CUEDC1: variants seen among roughly 807,000 people sequenced by gnomAD.
CUEDC1 encodes the protein CUE domain-containing protein 1.
A neutral mutation model predicts 43.7 loss-of-function variants in CUEDC1; 30 were observed. The observed-to-expected ratio is 0.69, with a 90% confidence interval of 0.51 to 0.93. The LOEUF (loss-of-function observed/expected upper bound fraction) is 0.93, where lower values mean the gene tolerates loss of function less well. CUEDC1 is among the 40% of genes least tolerant of loss of function. CUEDC1 has a pLI of 0.00. For missense variants in CUEDC1, 486 were observed against 549.0 expected, an observed-to-expected ratio of 0.89 and a Z score of 1.15; for synonymous variants, 223 against 223.6, an observed-to-expected ratio of 1.00 and a Z score of 0.02.
chr17:57,940,825 C>A (rs1198274066), intron 1 of CUEDC1, among the ~76,000 whole-genome samples: 2 of 152,210 alleles, frequency 1.3e-5, no homozygotes, highest in African/African-American at 4.8e-5. Context: ...TTAGGAAGCA[C>A]CCTATCTGGT....
At chr17:57,925,639 T>C (rs1311639109) in intron 1 of CUEDC1, among the ~76,000 whole-genome samples, 1 of 152,134 alleles carries the variant, frequency 6.6e-6, no homozygotes, top group Non-Finnish European at 1.5e-5. Context: ...TCCCTGCCAG[T>C]GCCGCCACCC....
intron 9 of CUEDC1, 85 bp downstream of exon 9, chr17:57,867,272 G>T: frequency 7.8e-7 from 1 of 1,286,228 alleles, no homozygotes; most frequent in Non-Finnish European, 1.1e-6. Context: ...GACAGGGCGG[G>T]TGCTCCCATG....
intron 1 of CUEDC1, among the ~76,000 whole-genome samples, chr17:57,943,426 T>C (rs2074934027): frequency 6.6e-6 from 1 of 152,184 alleles, no homozygotes; most frequent in Non-Finnish European, 1.5e-5. Flanking sequence ...CGAGTTCCCA[T>C]CCCTCTCTCC....
At chr17:57,929,019 T>C (rs2074777489) in intron 1 of CUEDC1, among the ~76,000 whole-genome samples, 1 of 152,074 alleles carries the variant, frequency 6.6e-6, no homozygotes, top group Admixed American at 6.5e-5. Context: ...AAAAAAAGTT[T>C]CCATTCCATA....
intron 1 of CUEDC1, among the ~76,000 whole-genome samples, chr17:57,888,930 G>A (rs1181452053): frequency 1.3e-5 from 2 of 152,256 alleles, no homozygotes; most frequent in South Asian, 2.1e-4. Flanking sequence ...GCCACCCCCA[G>A]GGGAGGAAGA....
rs1366958967 is a variant in CUEDC1, at chr17:57,861,868, T to C, written c.*1421A>G. 1 of 145,892 alleles carries C rather than the reference T, an allele frequency of 6.9e-6. No homozygotes were observed. Among genetic ancestry groups the C allele is most frequent in the African/African-American group, 2.6e-5 (1 of 38,668 alleles). The allele number at this position is 145,892 out of a possible 1,614,324, so 9.0% of individuals were successfully genotyped here. On this transcript the variant is annotated 3_prime_UTR_variant, in exon 11 of 11. Coordinates refer to ENST00000577830, the MANE Select transcript of CUEDC1 (RefSeq NM_001271875.2). Reference sequence around the variant, plus strand: ...GAGCAGCGGAGGGGGCGACCGCTCCTCGGCAGGGCCCCCCGAGCCAGCGTC... The same window carrying C: ...GAGCAGCGGAGGGGGCGACCGCTCCCCGGCAGGGCCCCCCGAGCCAGCGTC...
At chr17:57,880,096 C>A (rs2074183439) in intron 2 of CUEDC1, among the ~76,000 whole-genome samples, 1 of 152,134 alleles carries the variant, frequency 6.6e-6, no homozygotes, top group African/African-American at 2.4e-5. Context: ...AGGGTGGGAA[C>A]AGATACCAGG....
At chr17:57,949,512 A>C (rs1409118975) in intron 1 of CUEDC1, among the ~76,000 whole-genome samples, 291 of 38,226 alleles carry the variant, frequency 7.6e-3, no homozygotes, top group Admixed American at 0.019. Context: ...CCCCAGCTCC[A>C]CCCTCCCCCA....
chr17:57,866,424 G>C (rs748123955), intron 10 of CUEDC1, 50 bp downstream of exon 10: 1 of 1,572,944 alleles, frequency 6.4e-7, no homozygotes. Flanking sequence ...CATAGTGTGG[G>C]GGGCCCTGGC....
In CUEDC1 at chr17:57,861,623, C is replaced by T. The variant is rs964711970; in HGVS notation, c.*1666G>A. On this transcript the variant is annotated 3_prime_UTR_variant, in exon 11 of 11. Coordinates refer to ENST00000577830, the MANE Select transcript of CUEDC1 (RefSeq NM_001271875.2). ...CCAAGAGAACACCAACTGTTTATTA[C>T]AGGAATTCCTATGAAACAGCTCCAA... 13 of 152,370 alleles carry T rather than the reference C, an allele frequency of 8.5e-5. No individual in the cohort carries two copies. The highest frequency in any genetic ancestry group is 2.9e-4 in the African/African-American group (12 of 41,440). The allele number at this position is 152,370 out of a possible 1,614,324, so 9.4% of individuals were successfully genotyped here.
At chr17:57,871,038 T>C (rs2074027518) in intron 6 of CUEDC1, among the ~76,000 whole-genome samples, 1 of 152,218 alleles carries the variant, frequency 6.6e-6, no homozygotes, top group Non-Finnish European at 1.5e-5. Context: ...AGCCAGCCTA[T>C]GTTACTTGAA....
chr17:57,941,840 C>T (rs1017209223), intron 1 of CUEDC1, among the ~76,000 whole-genome samples: 2 of 152,216 alleles, frequency 1.3e-5, no homozygotes, highest in African/African-American at 4.8e-5. Context: ...GAACTATTAA[C>T]AGTAGCCACT....
At chr17:57,919,011 G>A (rs972178075) in intron 1 of CUEDC1, among the ~76,000 whole-genome samples, 7 of 151,438 alleles carry the variant, frequency 4.6e-5, no homozygotes, top group African/African-American at 1.7e-4. Flanking sequence ...CTGCCACCAC[G>A]CCCAGCTAAT....
chr17:57,883,797 C>T (rs1217048769), intron 2 of CUEDC1, among the ~76,000 whole-genome samples: 7 of 152,166 alleles, frequency 4.6e-5, no homozygotes, highest in South Asian at 4.1e-4. Flanking sequence ...TGGCACGGGT[C>T]GGGACTCAAT....
intron 1 of CUEDC1, among the ~76,000 whole-genome samples, chr17:57,904,899 A>G (rs181476169): frequency 2.3e-3 from 344 of 152,198 alleles, no homozygotes; most frequent in African/African-American, 7.9e-3. Context: ...ACCGGGTCCA[A>G]CTCATCCCCC....
At chr17:57,914,859 T>C (rs1164012516) in intron 1 of CUEDC1, among the ~76,000 whole-genome samples, 1 of 152,198 alleles carries the variant, frequency 6.6e-6, no homozygotes, top group Non-Finnish European at 1.5e-5. Flanking sequence ...CTGAGTGGCA[T>C]TAAAGTAGGC....
chr17:57,950,632 C>T (rs1374332844), intron 1 of CUEDC1, among the ~76,000 whole-genome samples: 3 of 151,996 alleles, frequency 2.0e-5, no homozygotes, highest in Non-Finnish European at 4.4e-5. Flanking sequence ...ACCACCATGC[C>T]CGGCTAATTT....
intron 5 of CUEDC1, 124 bp from the exon 6 acceptor site, chr17:57,871,493 G>A: frequency 2.8e-6 from 2 of 715,428 alleles, no homozygotes; most frequent in African/African-American, 1.8e-5. Flanking sequence ...GCACACACGG[G>A]CACCCAAAAT....
At chr17:57,902,733 G>A (rs1356545387) in intron 1 of CUEDC1, among the ~76,000 whole-genome samples, 1 of 152,238 alleles carries the variant, frequency 6.6e-6, no homozygotes, top group African/African-American at 2.4e-5. Flanking sequence ...GACGTTGCGG[G>A]AAAGTCCCCG....
Sources: allele counts gnomAD v4.1 joint callset (sites outside exome capture counted in the v4.1 genomes callset), GRCh38; gene constraint gnomAD v4.1.1; transcripts MANE v1.5; gene names NCBI Gene and HGNC (gene_info 2026-07-23, HGNC 2026-07-21).